SLC3A1: variants seen among roughly 807,000 people sequenced by gnomAD.
The protein encoded by SLC3A1 is solute carrier family 3 member 1.
SLC3A1 carries 78 observed loss-of-function variants against 60.3 expected under a neutral mutation model. The ratio of observed to expected loss-of-function variants is 1.29; its 90% CI spans 1.08 to 1.56. The LOEUF is 1.56. Ranked by LOEUF, SLC3A1 falls within the 40% of genes most tolerant of loss-of-function variation. SLC3A1 has a pLI of 0.00. For missense variants in SLC3A1, 1,172 were observed against 858.9 expected (o/e 1.36, Z -4.56); for synonymous variants, 392 against 307.9 (o/e 1.27, Z -2.86).
chr2:44,318,116 A>C (rs1205127840), intron 9 of SLC3A1: 3 of 435,056 alleles, frequency 6.9e-6, no homozygotes, highest in African/African-American at 2.1e-5. Context: ...TTTTTGAGAC[A>C]GTCTTGCTCC....
intron 7 of SLC3A1, 121 bp downstream of exon 7, chr2:44,304,459 T>C: frequency 1.2e-6 from 1 of 803,438 alleles, no homozygotes; most frequent in Non-Finnish European, 2.1e-6. Context: ...ATTTGGTGAT[T>C]GTTCAGTGGT....
downstream of SLC3A1, chr2:44,321,834 T>C (rs1572836403): frequency 6.2e-7 from 1 of 1,613,820 alleles, no homozygotes; most frequent in Non-Finnish European, 8.5e-7. Context: ...TACCTTTTTG[T>C]GAGAATCCTC....
intron 4 of SLC3A1, among the ~76,000 whole-genome samples, chr2:44,293,927 G>T: frequency 6.9e-6 from 1 of 144,684 alleles, no homozygotes; most frequent in Non-Finnish European, 1.5e-5. Flanking sequence ...AAGATTAAAT[G>T]GTTTAACCTT....
At chr2:44,295,201 T>C (rs1671822833) in intron 4 of SLC3A1, among the ~76,000 whole-genome samples, 1 of 152,218 alleles carries the variant, frequency 6.6e-6, no homozygotes, top group South Asian at 2.1e-4. Flanking sequence ...GCTTCCTTAA[T>C]GTTGACTTGC....
intron 6 of SLC3A1, among the ~76,000 whole-genome samples, chr2:44,302,606 G>C (rs1184436364): frequency 6.6e-6 from 1 of 152,178 alleles, no homozygotes; most frequent in East Asian, 1.9e-4. Context: ...GCCTCAAATA[G>C]CTAAAGCCAG....
chr2:44,310,387 T>C (rs1672264734), intron 7 of SLC3A1, among the ~76,000 whole-genome samples: 2 of 152,256 alleles, frequency 1.3e-5, no homozygotes. Context: ...TTTTTCATTA[T>C]TGAATAACAG....
intron 9 of SLC3A1, 116 bp downstream of exon 9, chr2:44,314,067 C>G: frequency 6.4e-7 from 1 of 1,558,660 alleles, no homozygotes; most frequent in African/African-American, 1.4e-5. Flanking sequence ...TTAAATCAAT[C>G]ACAGACTTCC....
At chr2:44,279,294 C>G (rs1198630147) in intron 1 of SLC3A1, among the ~76,000 whole-genome samples, 1 of 152,180 alleles carries the variant, frequency 6.6e-6, no homozygotes, top group Non-Finnish European at 1.5e-5. Context: ...GCCACTGTGT[C>G]CTGCCTTCTC....
chr2:44,277,162 C>T (rs1320162986), intron 1 of SLC3A1, among the ~76,000 whole-genome samples: 2 of 138,760 alleles, frequency 1.4e-5, no homozygotes, highest in Non-Finnish European at 3.0e-5. Context: ...GGCTGGAGTG[C>T]AATGGCATAA....
chr2:44,311,356 G>T (rs922910253), intron 7 of SLC3A1, among the ~76,000 whole-genome samples: 1 of 151,982 alleles, frequency 6.6e-6, no homozygotes, highest in Non-Finnish European at 1.5e-5. Context: ...TCTTTGTCTA[G>T]TAAGTCCAAT....
At chr2:44,286,542 TGTGCGGTGCCTGTGACGGTGAGC>T (rs1362143532) in intron 4 of SLC3A1, among the ~76,000 whole-genome samples, 220 of 108,864 alleles carry the variant, frequency 2.0e-3, no homozygotes, top group African/African-American at 6.3e-3. Flanking sequence ...GACGGTGAGC[TGTGCGGTGCCTGTGACGGTGAGC>T]TGTGCGGTGC....
At chr2:44,312,808 TTTTA>T (rs1558469153) in intron 8 of SLC3A1, 55 bp downstream of exon 8, 1 of 1,498,096 alleles carries the variant, frequency 6.7e-7, no homozygotes, top group Admixed American at 1.8e-5. Flanking sequence ...AGTATTCATT[TTTTA>T]TTTTTTGCCA....
At chr2:44,287,055 A>G (rs954844720) in intron 4 of SLC3A1, among the ~76,000 whole-genome samples, 2 of 152,306 alleles carry the variant, frequency 1.3e-5, no homozygotes, top group South Asian at 4.1e-4. Flanking sequence ...GTACTCATTG[A>G]GTAAATATTA....
Position 44,312,503 on chromosome 2 carries a change from C to T in SLC3A1, c.1333-83C>T, listed in dbSNP as rs1005372142. On this transcript the variant is annotated intron_variant, in intron 7 of 9. Transcript: ENST00000260649. The stretch of plus-strand genomic sequence containing the variant: ...GTACCACATCTACTTTGTTTTGCTA[C>T]GTTGTGAACTTTCTGTGAAATAGGG... The T allele has an allele frequency of 5.3e-5, 77 of 1,455,816 alleles. No individual in the cohort carries two copies. In the African/African-American group the frequency reaches 5.8e-4, roughly 11 times the overall value. The allele number at this position is 1,455,816 out of a possible 1,614,324, so 90.2% of individuals were successfully genotyped here. A position where few individuals can be genotyped will look rare whatever the true frequency, so the allele number is the denominator to read the frequency against.
At chr2:44,310,917 C>T (rs1558468038) in intron 7 of SLC3A1, among the ~76,000 whole-genome samples, 1 of 151,916 alleles carries the variant, frequency 6.6e-6, no homozygotes, top group Non-Finnish European at 1.5e-5. Context: ...ATCTCAGCTT[C>T]TTGAGTAGCT....
intron 4 of SLC3A1, among the ~76,000 whole-genome samples, chr2:44,288,449 T>C (rs1018976149): frequency 6.6e-6 from 1 of 152,038 alleles, no homozygotes; most frequent in African/African-American, 2.4e-5. Context: ...TCTATCTTTT[T>C]ACCCACCTAA....
chr2:44,299,833 T>A, intron 4 of SLC3A1, 138 bp from the exon 5 acceptor site: 1 of 901,564 alleles, frequency 1.1e-6, no homozygotes, highest in East Asian at 2.4e-5. Flanking sequence ...TAGATAAAAA[T>A]AGACTGTGAA....
chr2:44,281,017 C>CCCTT, intron 2 of SLC3A1, 122 bp downstream of exon 2: 3 of 792,328 alleles, frequency 3.8e-6, no homozygotes, highest in Admixed American at 2.2e-5. Flanking sequence ...CTCCCTCCCT[C>CCCTT]CCTTCCTTCT....
chr2:44,278,308 C>T (rs951614933), intron 1 of SLC3A1, among the ~76,000 whole-genome samples: 7 of 151,880 alleles, frequency 4.6e-5, no homozygotes, highest in African/African-American at 1.7e-4. Flanking sequence ...ATCAGCTGGG[C>T]GTGGTGGCGG....
Sources: allele counts gnomAD v4.1 joint callset (sites outside exome capture counted in the v4.1 genomes callset), GRCh38; gene constraint gnomAD v4.1.1; transcripts MANE v1.5; gene names NCBI Gene and HGNC (gene_info 2026-07-23, HGNC 2026-07-21).